The following CEP128 variants were observed in gnomAD, a reference collection of about 807,000 sequenced individuals.
CEP128 encodes centrosomal protein 128kDa.
A neutral mutation model predicts 156.7 loss-of-function variants in CEP128; 132 were observed. The observed-to-expected ratio is 0.84, with a 90% CI of 0.73 to 0.97. CEP128 has a LOEUF of 0.97. Ranked by LOEUF, CEP128 falls within the 50% of genes least tolerant of loss-of-function variation. CEP128 has a pLI of 0.00. For missense variants in CEP128, 1,252 were observed against 1,281.9 expected (o/e 0.98, Z 0.36); for synonymous variants, 469 against 448.9 (o/e 1.04, Z -0.57).
chr14:80,948,040 A>G (rs953873458), intron 2 of CEP128, among the ~76,000 whole-genome samples: 3 of 151,892 alleles, frequency 2.0e-5, no homozygotes, highest in African/African-American at 7.3e-5. Context: ...AAGTCATAAG[A>G]CAGAAGACAC....
intron 18 of CEP128, among the ~76,000 whole-genome samples, chr14:80,750,011 C>CATT (rs1272921178): frequency 6.6e-6 from 1 of 152,096 alleles, no homozygotes; most frequent in Non-Finnish European, 1.5e-5. Context: ...AAAGATATGA[C>CATT]ATTTACAGTT....
intron 19 of CEP128, among the ~76,000 whole-genome samples, chr14:80,589,137 T>G (rs979524768): frequency 6.6e-6 from 1 of 152,030 alleles, no homozygotes; most frequent in Non-Finnish European, 1.5e-5. Context: ...AGCCAAGGGA[T>G]GAAGGAAACC....
chr14:80,802,326 G>A (rs1171077587), intron 13 of CEP128, among the ~76,000 whole-genome samples: 1 of 152,062 alleles, frequency 6.6e-6, no homozygotes, highest in Non-Finnish European at 1.5e-5. Flanking sequence ...AGAAAATATG[G>A]TATATATACA....
chr14:80,686,563 T>C (rs930463024), intron 19 of CEP128, among the ~76,000 whole-genome samples: 20 of 152,098 alleles, frequency 1.3e-4, no homozygotes, highest in Non-Finnish European at 2.8e-4. Flanking sequence ...TAGAATCAAA[T>C]TCACATATAA....
At chr14:80,813,514 C>T (rs1884678697) in intron 13 of CEP128, among the ~76,000 whole-genome samples, 1 of 151,994 alleles carries the variant, frequency 6.6e-6, no homozygotes, top group Non-Finnish European at 1.5e-5. Context: ...CATGTAGAAA[C>T]AATTACTTTT....
intron 19 of CEP128, among the ~76,000 whole-genome samples, chr14:80,587,570 T>C: frequency 6.6e-6 from 1 of 152,184 alleles, no homozygotes; most frequent in East Asian, 1.9e-4. Flanking sequence ...GAAAATAGCA[T>C]AATAATCTAC....
intron 14 of CEP128, among the ~76,000 whole-genome samples, chr14:80,788,288 C>CTTTTTTTTTTTTTTTTTTTTT (rs10628361): frequency 2.1e-5 from 2 of 97,256 alleles, no homozygotes; most frequent in Non-Finnish European, 3.8e-5. Context: ...TGGCCAGGAT[C>CTTTTTTTTTTTTTTTTTTTTT]TTTTTTTTTT....
chr14:80,533,683 C>T lies in CEP128; in HGVS notation c.2881-2797G>A, dbSNP rs552578162. The stretch of plus-strand genomic sequence containing the variant: ...CCCTCCCTTGCCATCCCCCGCTGCC[C>T]CCATCTCCCTTAACCAATCTTTATA... On this transcript the variant is annotated intron_variant, in intron 21 of 24. Transcript: ENST00000555265. Among the ~76,000 whole-genome samples, 201 of 152,196 alleles carry T rather than the reference C, an allele frequency of 1.3e-3. 2 individuals carry two copies. Among genetic ancestry groups the T allele is most frequent in the African/African-American group, 4.4e-3 (183 of 41,530 alleles).
chr14:80,784,760 C>A lies in CEP128; in HGVS notation c.2211+135G>T, dbSNP rs1385131711. 10 of 781,198 alleles carry A rather than the reference C, an allele frequency of 1.3e-5. No homozygotes were observed. The African/African-American group carries it at 1.6e-4, about 12-fold the overall frequency. 48.4% of individuals were successfully genotyped at this position (781,198 alleles called of 1,614,324 possible). The stretch of plus-strand genomic sequence containing the variant: ...ACCTGGCCGAACAGGCATGAATAAG[C>A]CTCTTTATTGTTGGTTTTATCTTCC... On this transcript the variant is annotated intron_variant, in intron 15 of 24. Transcript: ENST00000555265.
rs191075776 is a variant in CEP128, at chr14:80,517,536, G to A, written c.3072+9333C>T. Among the ~76,000 whole-genome samples, 362 of 152,194 alleles carry A rather than the reference G, an allele frequency of 2.4e-3. 3 individuals carry two copies. Among genetic ancestry groups the A allele is most frequent in the African/African-American group, 8.2e-3 (341 of 41,548 alleles). ...TTCTAAATATTTGGGAAATTTTTAG[G>A]TATCTTTCTGTTATTAATTTCTAAT... On this transcript the variant is annotated intron_variant, in intron 23 of 24. Transcript: ENST00000555265.
intron 19 of CEP128, among the ~76,000 whole-genome samples, chr14:80,708,166 T>G (rs1293181158): frequency 6.6e-6 from 1 of 152,304 alleles, no homozygotes; most frequent in East Asian, 1.9e-4. Flanking sequence ...TTAAAGATAG[T>G]GCCGCATAAG....
chr14:80,843,499 A>G (rs1448329680), intron 9 of CEP128, among the ~76,000 whole-genome samples: 3 of 152,092 alleles, frequency 2.0e-5, no homozygotes, highest in Non-Finnish European at 2.9e-5. Context: ...ACTTGAAGGT[A>G]CAAACTATCA....
chr14:80,893,224 A>C (rs1889185693), intron 8 of CEP128, among the ~76,000 whole-genome samples: 1 of 152,024 alleles, frequency 6.6e-6, no homozygotes, highest in Non-Finnish European at 1.5e-5. Context: ...TAAGCCAGAC[A>C]CAGAAAGAAA....
intron 21 of CEP128, among the ~76,000 whole-genome samples, chr14:80,541,443 T>TAAAAAAAAAAAAA (rs35523389): frequency 1.8e-5 from 2 of 109,962 alleles, no homozygotes; most frequent in African/African-American, 7.6e-5. Flanking sequence ...ATGACTGTGT[T>TAAAAAAAAAAAAA]AAAAAAAAAA....
At chr14:80,623,505 T>TA (rs984961999) in intron 19 of CEP128, among the ~76,000 whole-genome samples, 7 of 150,380 alleles carry the variant, frequency 4.7e-5, no homozygotes, top group South Asian at 4.2e-4. Flanking sequence ...AACCTAAAAA[T>TA]AAAAAAAAAT....
intron 20 of CEP128, among the ~76,000 whole-genome samples, chr14:80,576,235 C>T (rs573932765): frequency 2.6e-5 from 4 of 152,066 alleles, no homozygotes; most frequent in Admixed American, 2.6e-4. Context: ...AATGGATTAC[C>T]TTGTGTGTCT....
At position 80,781,568 on chromosome 14, in the gene CEP128, G is replaced by A. The variant is rs141981780; in HGVS notation, c.2211+3327C>T. Among the ~76,000 whole-genome samples the A allele has an allele frequency of 4.0e-3, 601 of 151,960 alleles. 3 individuals carry two copies. Among genetic ancestry groups the A allele is most frequent in the African/African-American group, 0.013 (552 of 41,436 alleles). ...ACAGAGACAGTAAATAATTAACGAA[G>A]GTTTTTCAGTAGAAAGTGACACACT... On this transcript the variant is annotated intron_variant, in intron 15 of 24. Transcript: ENST00000555265.
chr14:80,545,696 G>A (rs1415734808), intron 21 of CEP128, among the ~76,000 whole-genome samples: 10 of 152,116 alleles, frequency 6.6e-5, no homozygotes, highest in Non-Finnish European at 4.4e-5. Context: ...AAAAAATACT[G>A]GGGAGAGAAG....
chr14:80,723,626 T>G (rs1291807014), intron 19 of CEP128, among the ~76,000 whole-genome samples: 1 of 152,224 alleles, frequency 6.6e-6, no homozygotes, highest in African/African-American at 2.4e-5. Context: ...CATTAAAATA[T>G]TCAGGGCTAA....
Sources: allele counts gnomAD v4.1 joint callset (sites outside exome capture counted in the v4.1 genomes callset), GRCh38; gene constraint gnomAD v4.1.1; transcripts MANE v1.5; gene names NCBI Gene and HGNC (gene_info 2026-07-23, HGNC 2026-07-21).